Variants in VWF observed in about 807,000 individuals in gnomAD.
The protein encoded by VWF is von Willebrand factor, also known as Factor VIII related antigen.
VWF carries 176 observed loss-of-function variants against 308.6 expected under a neutral mutation model. That is an observed-to-expected ratio of 0.57 (90% CI 0.50 to 0.65). The LOEUF is 0.65. Ranked by LOEUF, VWF falls within the 30% of genes least tolerant of loss-of-function variation. The pLI is 0.00. For synonymous variants in VWF, 1,385 were observed against 1,443.4 expected, an observed-to-expected ratio of 0.96 and a Z score of 0.92; for missense variants, 3,146 against 3,648.2, an observed-to-expected ratio of 0.86 and a Z score of 3.55.
rs533284114 is a variant in VWF, at chr12:5,952,378, A to T, written c.8115+13T>A. ...ATTGAGACAGTAAAGAGGAAAGCAG[A>T]ATGAGTACTCACTCCCTCAGCCAGA... is the stretch of plus-strand genomic sequence containing the variant. On this transcript the variant is annotated intron_variant, in intron 49 of 51. Transcript: ENST00000261405. 1 of 1,613,822 alleles carries T rather than the reference A, an allele frequency of 6.2e-7. No individual in the cohort carries two copies. The highest frequency in any genetic ancestry group is 8.5e-7 in the Non-Finnish European group (1 of 1,179,752).
intron 10 of VWF, among the ~76,000 whole-genome samples, chr12:6,069,489 C>A (rs1338693877): frequency 6.6e-6 from 1 of 152,142 alleles, no homozygotes; most frequent in African/African-American, 2.4e-5. Flanking sequence ...CCCTCCAGAA[C>A]CATACCGCCT....
rs201450675 is a variant in VWF at position 6,075,413 on chromosome 12, G to C, written c.796C>G (p.Pro266Ala). The stretch of plus-strand genomic sequence containing the variant: ...GTCCGGGCGTACTCCAGGAGGGCAG[G>C]GCAGGCGCACTCCAGCCCCCCAGCA... ...ECAGGLECACPALLEYARTCA... is the reference protein window; with the variant it reads ...ECAGGLECACAALLEYARTCA... Residue 266 changes from proline (P) to alanine (A), a missense_variant, in exon 7 of 52, where the codon CCT (proline) becomes GCT (alanine). Transcript: ENST00000261405. This position sits in a 1 kb window ranked among gnomAD's most constrained non-coding sequence, Gnocchi z 4.7. 7 of 1,614,054 alleles carry C rather than the reference G, an allele frequency of 4.3e-6. No homozygotes were observed. Among genetic ancestry groups the C allele is most frequent in the African/African-American group, 1.3e-5 (1 of 74,910 alleles).
intron 6 of VWF, among the ~76,000 whole-genome samples, chr12:6,090,834 C>G (rs1555073388): frequency 1.3e-5 from 2 of 152,212 alleles, no homozygotes; most frequent in Admixed American, 6.5e-5. Context: ...TGACTCAAAC[C>G]CACACCCTTA....
intron 5 of VWF, among the ~76,000 whole-genome samples, chr12:6,100,895 T>A (rs965493070): frequency 1.3e-5 from 2 of 151,880 alleles, no homozygotes; most frequent in Non-Finnish European, 2.9e-5. Context: ...AGCATAATAA[T>A]AATAATAAAG....
rs1943750762 is a variant in VWF at position 5,991,993 on chromosome 12, G to C, written c.6624C>G (p.Val2208=). Residue 2208 remains valine, a synonymous_variant, in exon 38 of 52, where the codon GTC becomes GTG. Coordinates refer to ENST00000261405, the MANE Select transcript of VWF (RefSeq NM_000552.5). The part of the protein sequence containing the change: ...FCAMSCPPSL[V]YNHCEHGCPR... Reference sequence around the variant, plus strand: ...GACAGCCATGCTCACAGTGGTTGTAGACCAGAGATGGTGGGCATGACATAG... The same window carrying C: ...GACAGCCATGCTCACAGTGGTTGTACACCAGAGATGGTGGGCATGACATAG... 6.2e-7 allele frequency: 1 copy of C among 1,614,212 alleles called. No individual in the cohort carries two copies. The highest frequency in any genetic ancestry group is 8.5e-7 in the Non-Finnish European group (1 of 1,180,034).
chr12:6,080,360 G>A (rs772336695), intron 6 of VWF, among the ~76,000 whole-genome samples: 9 of 152,202 alleles, frequency 5.9e-5, no homozygotes, highest in Non-Finnish European at 1.0e-4. Flanking sequence ...TACCTGAACC[G>A]GGTGTTTCCA....
chr12:6,065,756 C>G (rs1194114739), intron 10 of VWF, among the ~76,000 whole-genome samples: 1 of 152,192 alleles, frequency 6.6e-6, no homozygotes, highest in Non-Finnish European at 1.5e-5. Flanking sequence ...AACAGTGTCA[C>G]CCCTGGAGAG....
Position 6,024,911 on chromosome 12 carries a change from T to C in VWF, c.3222+669A>G, listed in dbSNP as rs879420971. ...GGTGGCAGGTGCCTGTAATCCCAGG[T>C]ACTCGGGAGGTTGAGGCAGGAGAAT... On this transcript the variant is annotated intron_variant, in intron 24 of 51. Transcript: ENST00000261405. The surrounding 1 kb of genome is among the most constrained non-coding windows in gnomAD (Gnocchi z 4.0). Among the ~76,000 whole-genome samples, 9 of 151,786 alleles carry C rather than the reference T, an allele frequency of 5.9e-5. No individual in the cohort carries two copies. The highest frequency in any genetic ancestry group is 1.3e-4 in the Non-Finnish European group (9 of 67,982).
rs1454843138 is a variant in VWF, at chr12:6,024,029, T to C, written c.3223-242A>G. ...GCTGCTGGCCTTCTGCAGAACACAA[T>C]GAGCCTGAGGATTTTCCAGAAGAAC... On this transcript the variant is annotated intron_variant, in intron 24 of 51. Transcript: ENST00000261405. The surrounding 1 kb of genome is among the most constrained non-coding windows in gnomAD (Gnocchi z 4.0). 6.6e-6 allele frequency among the ~76,000 whole-genome samples: 1 copy of C among 152,242 alleles called. No homozygotes were observed. The highest frequency in any genetic ancestry group is 1.5e-5 in the Non-Finnish European group (1 of 68,040).
intron 33 of VWF, 116 bp from the exon 34 acceptor site, chr12:6,011,910 C>G: frequency 8.0e-7 from 1 of 1,247,768 alleles, no homozygotes; most frequent in Non-Finnish European, 1.2e-6. Flanking sequence ...AGCAAGGAGG[C>G]CCCCTGTACA....
chr12:5,985,687 G>A, intron 38 of VWF, 22 bp from the exon 39 acceptor site: 3 of 1,607,612 alleles, frequency 1.9e-6, no homozygotes, highest in Non-Finnish European at 2.6e-6. Context: ...GCGAGGTTCA[G>A]AAAGGGCACA....
At chr12:5,978,250 A>T (rs1943553848) in intron 42 of VWF, among the ~76,000 whole-genome samples, 1 of 151,716 alleles carries the variant, frequency 6.6e-6, no homozygotes, top group Non-Finnish European at 1.5e-5. Flanking sequence ...AGAAGAACTG[A>T]AAGGAAATTT....
At chr12:6,105,469 C>T (rs1179346225) in intron 5 of VWF, among the ~76,000 whole-genome samples, 3 of 152,108 alleles carry the variant, frequency 2.0e-5, no homozygotes, top group Non-Finnish European at 4.4e-5. Flanking sequence ...CTCAAATGAT[C>T]CATCCACCTC....
At chr12:5,968,655 G>A (rs190605391) in intron 45 of VWF, among the ~76,000 whole-genome samples, 114 of 152,242 alleles carry the variant, frequency 7.5e-4, no homozygotes, top group South Asian at 5.4e-3. Context: ...AATTAGCCGA[G>A]TGTGGTGGCG....
intron 43 of VWF, among the ~76,000 whole-genome samples, chr12:5,973,873 T>C (rs1943504925): frequency 6.6e-6 from 1 of 152,144 alleles, no homozygotes; most frequent in African/African-American, 2.4e-5. Flanking sequence ...CTCAAAGGCT[T>C]GTACAGAGGT....
At chr12:5,963,662 A>G (rs968627083) in intron 47 of VWF, among the ~76,000 whole-genome samples, 24 of 152,140 alleles carry the variant, frequency 1.6e-4, no homozygotes, top group African/African-American at 2.9e-4. Flanking sequence ...TCAGCTAGGA[A>G]CTTGTTTTCC....
intron 5 of VWF, 47 bp from the exon 6 acceptor site, chr12:6,095,631 C>A (rs751251455): frequency 6.2e-7 from 1 of 1,613,580 alleles, no homozygotes; most frequent in East Asian, 2.2e-5. Context: ...TATGCCTGTC[C>A]CAGAACTTCT....
chr12:6,111,871 C>T lies in VWF; in HGVS notation c.221-903G>A, dbSNP rs148176718. 1.7e-3 allele frequency among the ~76,000 whole-genome samples: 248 copies of T among 150,182 alleles called. 3 individuals carry two copies. Among genetic ancestry groups the T allele is most frequent in the Middle Eastern group, 6.8e-3 (2 of 294 alleles). ...TCTTTGGGAGGCTGAGGCAGAAGAA[C>T]GGCGTGAACCCAGGAGGCGGAGCTT... On this transcript the variant is annotated intron_variant, in intron 3 of 51. Coordinates refer to ENST00000261405, the MANE Select transcript of VWF (RefSeq NM_000552.5).
intron 47 of VWF, among the ~76,000 whole-genome samples, chr12:5,956,933 C>T (rs1451762937): frequency 1.3e-5 from 2 of 152,166 alleles, no homozygotes; most frequent in South Asian, 2.1e-4. Flanking sequence ...CCTAGGTCTT[C>T]GCATTGACCC....
Sources: gnomAD v4.1 joint callset for allele counts (sites outside exome capture counted in the v4.1 genomes callset) on GRCh38, gnomAD v4.1.1 for gene constraint, Gnocchi (gnomAD v3.1) non-coding constraint, MANE v1.5 for transcripts, NCBI Gene and HGNC (gene_info 2026-07-23, HGNC 2026-07-21) for gene names.